Variants in PCDHGA6 observed in about 807,000 individuals in gnomAD.
PCDHGA6 encodes the protein protocadherin gamma-A6.
In PCDHGA6, 41 loss-of-function variants were observed where a neutral mutation model predicts 60.6. That is an observed-to-expected ratio of 0.68 (90% CI 0.53 to 0.88). PCDHGA6 has a LOEUF of 0.88. PCDHGA6 is among the 40% of genes least tolerant of loss of function. The probability of loss-of-function intolerance (pLI) is 0.00; values close to 1 mark genes in which losing one functional copy is unlikely to be tolerated. For synonymous variants in PCDHGA6, 594 were observed against 524.4 expected (o/e 1.13, Z -1.81); for missense variants, 1,312 against 1,203.0 (o/e 1.09, Z -1.34).
intron 3 of PCDHGA6, 44 bp downstream of exon 3, chr5:141,505,525 G>C: frequency 1.2e-6 from 2 of 1,612,490 alleles, no homozygotes; most frequent in Non-Finnish European, 1.7e-6. Flanking sequence ...GAGACCTGGG[G>C]TTCTGGGGTG....
chr5:141,386,522 C>T (rs1561611649), intron 1 of PCDHGA6, among the ~76,000 whole-genome samples: 3 of 152,174 alleles, frequency 2.0e-5, no homozygotes, highest in African/African-American at 4.8e-5. Flanking sequence ...CAAAAAAAGA[C>T]TCTTTTTAGA....
At chr5:141,433,202 T>C (rs1433315739) in intron 1 of PCDHGA6, 2 of 1,578,202 alleles carry the variant, frequency 1.3e-6, no homozygotes, top group Non-Finnish European at 1.7e-6. Context: ...ATATCAAATC[T>C]TCTTTCTTTT....
chr5:141,475,903 G>C, intron 1 of PCDHGA6: 5 of 576,064 alleles, frequency 8.7e-6, no homozygotes, highest in Non-Finnish European at 1.5e-5. Context: ...TGCCGCTGTC[G>C]GCCAATGAAG....
intron 1 of PCDHGA6, among the ~76,000 whole-genome samples, chr5:141,474,412 C>A (rs1282336092): frequency 6.6e-6 from 1 of 152,220 alleles, no homozygotes; most frequent in Non-Finnish European, 1.5e-5. Flanking sequence ...CCGGTGATGC[C>A]TAGACCATTG....
Position 141,408,894 on chromosome 5 carries a change from C to T in PCDHGA6, c.2424+32387C>T, listed in dbSNP as rs778126197. 71 of 1,613,186 alleles carry T rather than the reference C, an allele frequency of 4.4e-5. No homozygotes were observed. The Middle Eastern group carries it at 4.9e-4, about 11-fold the overall frequency. ...AGTGCCACCGCTCACATAGAAATTT[C>T]TGTCAAGGATACCAATGATAACCCC... On this transcript the variant is annotated intron_variant, in intron 1 of 3. Transcript: ENST00000517434.
chr5:141,394,805 G>A, intron 1 of PCDHGA6: 1 of 1,613,860 alleles, frequency 6.2e-7, no homozygotes, highest in Non-Finnish European at 8.5e-7. Context: ...CCGTAGCCGT[G>A]GCTGACAGCA....
chr5:141,501,333 A>ACACACACC (rs1186649373), intron 2 of PCDHGA6, among the ~76,000 whole-genome samples: 1 of 140,020 alleles, frequency 7.1e-6, no homozygotes, highest in African/African-American at 2.6e-5. Context: ...ACACACACAC[A>ACACACACC]CCCCAAACTC....
At chr5:141,423,750 T>TGG (rs144521096) in intron 1 of PCDHGA6, 9,462 of 287,056 alleles carry the variant, frequency 0.033, 140 homozygotes, top group African/African-American at 0.097. Flanking sequence ...GAAAACTGTT[T>TGG]GGGGGGGGGG....
intron 1 of PCDHGA6, chr5:141,413,569 G>A: frequency 1.2e-6 from 2 of 1,613,846 alleles, no homozygotes; most frequent in Non-Finnish European, 1.7e-6. Context: ...TGATATCAAT[G>A]ACAATGCTCC....
intron 3 of PCDHGA6, among the ~76,000 whole-genome samples, chr5:141,510,244 G>A (rs549784078): frequency 6.6e-6 from 1 of 151,116 alleles, no homozygotes; most frequent in African/African-American, 2.4e-5. Flanking sequence ...CTGCACTCCA[G>A]GCTGGGCGAC....
At chr5:141,440,551 T>C (rs1220901075) in intron 1 of PCDHGA6, 2 of 152,350 alleles carry the variant, frequency 1.3e-5, no homozygotes, top group East Asian at 1.9e-4. Context: ...GCAGGAATGT[T>C]ATTAAGTTAC....
chr5:141,381,820 C>CTTTCT (rs1279410534), intron 1 of PCDHGA6, among the ~76,000 whole-genome samples: 20 of 119,922 alleles, frequency 1.7e-4, no homozygotes, highest in African/African-American at 3.7e-4. Flanking sequence ...TTCTTTCTTT[C>CTTTCT]TTCTTCTTTT....
chr5:141,433,042 G>T (rs752612411), intron 1 of PCDHGA6: 10 of 1,614,024 alleles, frequency 6.2e-6, no homozygotes, highest in East Asian at 4.5e-5. Flanking sequence ...CCCTCACCAC[G>T]GACTCGCGGA....
chr5:141,414,613 G>A (rs957641063), intron 1 of PCDHGA6: 2 of 1,613,988 alleles, frequency 1.2e-6, no homozygotes, highest in East Asian at 4.5e-5. Flanking sequence ...CTCAGTGACA[G>A]CGCTGGACCC....
At chr5:141,441,930 G>T in intron 1 of PCDHGA6, 1 of 347,232 alleles carries the variant, frequency 2.9e-6, no homozygotes, top group Non-Finnish European at 5.5e-6. Flanking sequence ...ATGCGTGGCT[G>T]TCCTACCACG....
At chr5:141,414,409 A>AG in intron 1 of PCDHGA6, 1 of 1,613,870 alleles carries the variant, frequency 6.2e-7, no homozygotes. Flanking sequence ...GGTGATACAC[A>AG]GAGCCCTTGA....
In PCDHGA6 at chr5:141,422,240, T is replaced by C. The variant is rs1472994337; in HGVS notation, c.2424+45733T>C. ...ACCACCACGACGATGTTGATCACTG[T>C]TGTGGATGTGAATGATAACGCTCCA... On this transcript the variant is annotated intron_variant, in intron 1 of 3. Coordinates refer to ENST00000517434, the MANE Select transcript of PCDHGA6 (RefSeq NM_018919.3). 1.3e-6 allele frequency: 2 copies of C among 1,566,716 alleles called. No individual in the cohort carries two copies. The highest frequency in any genetic ancestry group is 1.2e-5 in the South Asian group (1 of 81,384).
intron 2 of PCDHGA6, among the ~76,000 whole-genome samples, chr5:141,501,838 G>C (rs888418141): frequency 6.6e-6 from 1 of 152,000 alleles, no homozygotes; most frequent in African/African-American, 2.4e-5. Flanking sequence ...CACCTGTTTG[G>C]CCCTCAACCT....
intron 1 of PCDHGA6, among the ~76,000 whole-genome samples, chr5:141,407,629 G>A (rs1025838649): frequency 1.3e-5 from 2 of 151,940 alleles, no homozygotes; most frequent in African/African-American, 4.8e-5. Context: ...TCTATATCTC[G>A]TATTACTTAA....
Sources: allele counts gnomAD v4.1 joint callset (sites outside exome capture counted in the v4.1 genomes callset), GRCh38; gene constraint gnomAD v4.1.1; transcripts MANE v1.5; gene names NCBI Gene and HGNC (gene_info 2026-07-23, HGNC 2026-07-21).